The following PARD6G variants were observed in gnomAD, a reference collection of about 807,000 sequenced individuals.
The protein encoded by PARD6G is partitioning defective 6 homolog gamma.
PARD6G carries 7 observed loss-of-function variants against 10.7 expected under a neutral mutation model. The ratio of observed to expected loss-of-function variants is 0.66; its 90% CI spans 0.37 to 1.23. PARD6G has a LOEUF of 1.23. PARD6G is among the 50% of genes most tolerant of loss of function. The probability of loss-of-function intolerance (pLI) is 0.02; values close to 1 mark genes in which losing one functional copy is unlikely to be tolerated. For synonymous variants in PARD6G, 287 were observed against 269.4 expected (o/e 1.07, Z -0.64); for missense variants, 548 against 571.8 (o/e 0.96, Z 0.42).
Position 80,160,280 on chromosome 18 carries a change from C to T in PARD6G, c.622G>A (p.Gly208Arg). Residue 208 changes from glycine (G) to arginine (R), a missense_variant, in exon 3 of 3, where the codon GGG (glycine) becomes AGG (arginine). Around this residue, in one of 2 missense-constraint regions of PARD6G, gnomAD observed 313 missense variants for 279.9 expected, o/e 1.12. Coordinates refer to ENST00000353265, the MANE Select transcript of PARD6G (RefSeq NM_032510.4). ...MVPGGLAEST[G>R]LLAVNDEVLE... The stretch of plus-strand genomic sequence containing the variant: ...ACCTCGTCATTCACAGCCAGCAGCC[C>T]GGTGCTCTCCGCCAGGCCCCCGGGT... The T allele has an allele frequency of 6.2e-7, 1 of 1,612,206 alleles. No homozygotes were observed. The highest frequency in any genetic ancestry group is 8.5e-7 in the Non-Finnish European group (1 of 1,179,762).
chr18:80,158,904 C>T lies in PARD6G; in HGVS notation c.*867G>A, dbSNP rs1410018240. 1.3e-5 allele frequency: 2 copies of T among 152,118 alleles called. No homozygotes were observed. Among genetic ancestry groups the T allele is most frequent in the Non-Finnish European group, 2.9e-5 (2 of 68,050 alleles). The allele number at this position is 152,118 out of a possible 1,614,324, so 9.4% of individuals were successfully genotyped here. On this transcript the variant is annotated 3_prime_UTR_variant, in exon 3 of 3. Coordinates refer to ENST00000353265, the MANE Select transcript of PARD6G (RefSeq NM_032510.4). ...GGTGCCATAAGTGTGCTGGTGGGAG[C>T]TCTCCTGTCCCAACCGAATTATGAC...
At chr18:80,239,827 CAATG>C (rs1967470112) in intron 1 of PARD6G, among the ~76,000 whole-genome samples, 1 of 152,224 alleles carries the variant, frequency 6.6e-6, no homozygotes, top group Admixed American at 6.5e-5. Flanking sequence ...ACTGGCAAAT[CAATG>C]TATCAATACA....
In PARD6G at chr18:80,160,626, T is replaced by C. The variant is rs2052693941; in HGVS notation, c.296-20A>G. The C allele has an allele frequency of 7.0e-7, 1 of 1,434,654 alleles. No homozygotes were observed. Among genetic ancestry groups the C allele is most frequent in the Non-Finnish European group, 9.1e-7 (1 of 1,100,218 alleles). 88.9% of individuals were successfully genotyped at this position (1,434,654 alleles called of 1,614,324 possible). A position where few individuals can be genotyped will look rare whatever the true frequency, so the allele number is the denominator to read the frequency against. Reference sequence around the variant, plus strand: ...CCTCCTCTGCGGGAGAGGGGACAGTTAGAGGGGACACACAACCGAGCCCCG... The same window carrying C: ...CCTCCTCTGCGGGAGAGGGGACAGTCAGAGGGGACACACAACCGAGCCCCG... On this transcript the variant is annotated intron_variant, in intron 2 of 2. Coordinates refer to ENST00000353265, the MANE Select transcript of PARD6G (RefSeq NM_032510.4).
At chr18:80,198,718 T>C (rs970871224) in intron 2 of PARD6G, among the ~76,000 whole-genome samples, 12 of 152,126 alleles carry the variant, frequency 7.9e-5, no homozygotes, top group African/African-American at 2.7e-4. Context: ...TGAACAAATA[T>C]GTTTATTAAA....
chr18:80,166,616 C>T (rs1008099758), intron 2 of PARD6G, among the ~76,000 whole-genome samples: 1 of 150,940 alleles, frequency 6.6e-6, no homozygotes, highest in African/African-American at 2.4e-5. Context: ...GGTAAATGTC[C>T]TCTGTAGAGA....
intron 2 of PARD6G, among the ~76,000 whole-genome samples, chr18:80,166,844 C>T (rs899876683): frequency 7.2e-5 from 11 of 152,010 alleles, no homozygotes; most frequent in Non-Finnish European, 4.4e-5. Context: ...GGCCCCTTCT[C>T]CACACCACAG....
chr18:80,190,897 C>T (rs189222073), intron 2 of PARD6G, among the ~76,000 whole-genome samples: 98 of 152,298 alleles, frequency 6.4e-4, no homozygotes, highest in African/African-American at 2.2e-3. Flanking sequence ...AGATCCAGAA[C>T]CTATTTGCCC....
chr18:80,200,393 G>T lies in PARD6G; in HGVS notation c.295+2317C>A, dbSNP rs984583878. 5.3e-5 allele frequency among the ~76,000 whole-genome samples: 8 copies of T among 152,162 alleles called. No individual in the cohort carries two copies. Among genetic ancestry groups the T allele is most frequent in the Admixed American group, 3.3e-4 (5 of 15,282 alleles). On this transcript the variant is annotated intron_variant, in intron 2 of 2. Coordinates refer to ENST00000353265, the MANE Select transcript of PARD6G (RefSeq NM_032510.4). The surrounding 1 kb of genome is among the most constrained non-coding windows in gnomAD (Gnocchi z 4.4). ...CTCTGATTTTCCCAAAGACAGGACCGAGGGGCCAGTGAAGGGCTTGTCATC... is the reference window on the plus strand; with the variant it reads ...CTCTGATTTTCCCAAAGACAGGACCTAGGGGCCAGTGAAGGGCTTGTCATC...
intron 2 of PARD6G, among the ~76,000 whole-genome samples, chr18:80,195,312 G>C (rs1966940378): frequency 6.6e-6 from 1 of 151,856 alleles, no homozygotes; most frequent in Non-Finnish European, 1.5e-5. Flanking sequence ...ATCCACCGAG[G>C]CCAGGCTGAC....
At position 80,181,662 on chromosome 18, in the gene PARD6G, C is replaced by T. The variant is rs1374062717; in HGVS notation, c.295+21048G>A. ...TCAGCGACTGTGCCCCTGCCTCCTG[C>T]TTGGGGAAGAGCTTCTCTCTGCTGC... is the stretch of plus-strand genomic sequence containing the variant. On this transcript the variant is annotated intron_variant, in intron 2 of 2. Coordinates refer to ENST00000353265, the MANE Select transcript of PARD6G (RefSeq NM_032510.4). This position sits in a 1 kb window ranked among gnomAD's most constrained non-coding sequence, Gnocchi z 7.9. Among the ~76,000 whole-genome samples the T allele has an allele frequency of 6.6e-6, 1 of 152,100 alleles. No homozygotes were observed. Among genetic ancestry groups the T allele is most frequent in the Non-Finnish European group, 1.5e-5 (1 of 68,002 alleles).
Position 80,160,431 on chromosome 18 carries a change from C to T in PARD6G, c.471G>A (p.Arg157=). Residue 157 remains arginine (R), a synonymous_variant, in exon 3 of 3, where the codon CGG becomes CGA. Coordinates refer to ENST00000353265, the MANE Select transcript of PARD6G (RefSeq NM_032510.4). ...AGCCGTGCCGGTGCAGCCGCACTCG[C>T]CGGTGCGTCTCGGGGACCAGGTCCA... ...IDVDLVPETH[R]RVRLHRHGCE... The T allele has an allele frequency of 6.3e-7, 1 of 1,590,650 alleles. No individual in the cohort carries two copies. The highest frequency in any genetic ancestry group is 8.6e-7 in the Non-Finnish European group (1 of 1,168,576).
At chr18:80,203,055 A>G (rs1474418998) in intron 1 of PARD6G, 123 bp from the exon 2 acceptor site, 4 of 655,962 alleles carry the variant, frequency 6.1e-6, no homozygotes, top group Admixed American at 4.7e-5. Flanking sequence ...TCTTTAATCA[A>G]TCATCCACTG....
rs1326856908 is a variant in PARD6G, at chr18:80,192,506, C to T, written c.295+10204G>A. Among the ~76,000 whole-genome samples the T allele has an allele frequency of 5.4e-5, 8 of 147,152 alleles. No homozygotes were observed. The highest frequency in any genetic ancestry group is 2.0e-4 in the East Asian group (1 of 5,042). On this transcript the variant is annotated intron_variant, in intron 2 of 2. Coordinates refer to ENST00000353265, the MANE Select transcript of PARD6G (RefSeq NM_032510.4). The surrounding 1 kb of genome is among the most constrained non-coding windows in gnomAD (Gnocchi z 4.9). Reference sequence around the variant, plus strand: ...GGTGCCACGGCGGGAGCCCAGGGGACGGGGGAGAGCAGGTGCCACGGCGGG... The same window carrying T: ...GGTGCCACGGCGGGAGCCCAGGGGATGGGGGAGAGCAGGTGCCACGGCGGG...
At chr18:80,236,773 T>G (rs1967428102) in intron 1 of PARD6G, among the ~76,000 whole-genome samples, 1 of 152,034 alleles carries the variant, frequency 6.6e-6, no homozygotes, top group South Asian at 2.1e-4. Flanking sequence ...ATAAAACACC[T>G]AGGAAACCAA....
rs1193515520 is a variant in PARD6G, at chr18:80,181,368, C to T, written c.296-20762G>A. 6.6e-6 allele frequency among the ~76,000 whole-genome samples: 1 copy of T among 152,196 alleles called. No homozygotes were observed. The highest frequency in any genetic ancestry group is 1.5e-5 in the Non-Finnish European group (1 of 68,032). The stretch of plus-strand genomic sequence containing the variant: ...CCGATGCCACACACGCCAAGGCAGG[C>T]ATCACGCTCTGGGCACCGGGGGACC... On this transcript the variant is annotated intron_variant, in intron 2 of 2. Transcript: ENST00000353265. The surrounding 1 kb of genome is among the most constrained non-coding windows in gnomAD (Gnocchi z 7.9).
rs961652270 is a variant in PARD6G, at chr18:80,159,043, C to A, written c.*728G>T. Reference sequence around the variant, plus strand: ...TTGCTCTGTCACCCAGGCTGGAGTGCAGTGGTGCGATCTCAGCTCACTGCA... The same window carrying A: ...TTGCTCTGTCACCCAGGCTGGAGTGAAGTGGTGCGATCTCAGCTCACTGCA... On this transcript the variant is annotated 3_prime_UTR_variant, in exon 3 of 3. Transcript: ENST00000353265. 2 of 150,980 alleles carry A rather than the reference C, an allele frequency of 1.3e-5. No individual in the cohort carries two copies. The highest frequency in any genetic ancestry group is 4.9e-5 in the African/African-American group (2 of 41,014). The allele number at this position is 150,980 out of a possible 1,614,324, so 9.4% of individuals were successfully genotyped here.
chr18:80,160,212 G>A lies in PARD6G; in HGVS notation c.690C>T (p.Asp230=), dbSNP rs370477756. 8.4e-5 allele frequency: 135 copies of A among 1,613,134 alleles called. No homozygotes were observed. Among genetic ancestry groups the A allele is most frequent in the Non-Finnish European group, 1.1e-4 (132 of 1,179,866 alleles). Reference sequence around the variant, plus strand: ...TGGCGATCATCATGTCCGTGACCTGGTCCAGCGTCTTCCCGGCCACCTCAA... The same window carrying A: ...TGGCGATCATCATGTCCGTGACCTGATCCAGCGTCTTCCCGGCCACCTCAA... The part of the protein sequence containing the change: ...NGIEVAGKTL[D]QVTDMMIANS... The change falls in exon 3 of 3, where the codon GAC becomes GAT. Residue 230 remains aspartate, a synonymous_variant. Coordinates refer to ENST00000353265, the MANE Select transcript of PARD6G (RefSeq NM_032510.4).
At chr18:80,176,659 A>C (rs2052809320) in intron 2 of PARD6G, among the ~76,000 whole-genome samples, 1 of 152,136 alleles carries the variant, frequency 6.6e-6, no homozygotes, top group Non-Finnish European at 1.5e-5. Context: ...GAAATATGGG[A>C]AAGAATAAAA....
chr18:80,160,643 C>T (rs1024060328), intron 2 of PARD6G, 37 bp from the exon 3 acceptor site: 91 of 1,429,400 alleles, frequency 6.4e-5, no homozygotes, highest in Non-Finnish European at 7.5e-5. Context: ...GACACACAAC[C>T]GAGCCCCGCC....
Sources: allele counts gnomAD v4.1 joint callset (sites outside exome capture counted in the v4.1 genomes callset), GRCh38; gene constraint gnomAD v4.1.1; regional missense constraint gnomAD v4.1.1; non-coding constraint Gnocchi (gnomAD v3.1); transcripts MANE v1.5; gene names NCBI Gene and HGNC (gene_info 2026-07-23, HGNC 2026-07-21).